The following GPC6 variants were observed in gnomAD, a reference collection of about 807,000 sequenced individuals.
GPC6 encodes the protein glypican 6.
A neutral mutation model predicts 55.2 loss-of-function variants in GPC6; 14 were observed. The observed-to-expected ratio is 0.25, with a 90% confidence interval of 0.17 to 0.40. The LOEUF (loss-of-function observed/expected upper bound fraction) is 0.40. Ranked by LOEUF, GPC6 falls within the 10% of genes least tolerant of loss-of-function variation. The pLI is 1.00. For missense variants in GPC6, 641 were observed against 708.5 expected, an observed-to-expected ratio of 0.90 and a Z score of 1.08; for synonymous variants, 278 against 259.6, an observed-to-expected ratio of 1.07 and a Z score of -0.68.
chr13:93,518,873 A>T (rs1881305619), intron 1 of GPC6, among the ~76,000 whole-genome samples: 1 of 151,988 alleles, frequency 6.6e-6, no homozygotes, highest in Non-Finnish European at 1.5e-5. Flanking sequence ...AAAGAACAGG[A>T]TTTCTAGGCT....
intron 1 of GPC6, among the ~76,000 whole-genome samples, chr13:93,305,918 A>G (rs1566290066): frequency 1.3e-5 from 2 of 152,228 alleles, no homozygotes; most frequent in African/African-American, 4.8e-5. Context: ...GAACTATATT[A>G]GAAAATAAAA....
chr13:93,611,939 A>G (rs571519645), intron 2 of GPC6, among the ~76,000 whole-genome samples: 2 of 152,278 alleles, frequency 1.3e-5, no homozygotes, highest in Non-Finnish European at 1.5e-5. Context: ...AGCTAATAAA[A>G]TTAAACTCAC....
chr13:93,428,004 G>A (rs1877213403), intron 1 of GPC6, among the ~76,000 whole-genome samples: 1 of 152,084 alleles, frequency 6.6e-6, no homozygotes, highest in Admixed American at 6.6e-5. Flanking sequence ...GATAACTTCA[G>A]TACTAGTATT....
intron 2 of GPC6, among the ~76,000 whole-genome samples, chr13:93,676,128 T>A (rs10220093): frequency 0.072 from 464 of 6,408 alleles, 8 homozygotes; most frequent in Admixed American, 0.16. Flanking sequence ...AAAAAAAAAA[T>A]ATATATATAT....
intron 2 of GPC6, among the ~76,000 whole-genome samples, chr13:93,764,861 G>A (rs1008379100): frequency 1.9e-4 from 29 of 152,142 alleles, no homozygotes; most frequent in Admixed American, 4.6e-4. Flanking sequence ...GTGTAGTGGC[G>A]TGATCTCAGC....
chr13:94,340,764 C>CTG (rs10636408), intron 6 of GPC6, among the ~76,000 whole-genome samples: 12,969 of 152,202 alleles, frequency 0.085, 612 homozygotes, highest in African/African-American at 0.11. Context: ...AAAGAACACT[C>CTG]GTTTCTTTTC....
intron 1 of GPC6, among the ~76,000 whole-genome samples, chr13:93,523,791 A>G (rs2139403630): frequency 6.6e-6 from 1 of 152,056 alleles, no homozygotes; most frequent in Non-Finnish European, 1.5e-5. Flanking sequence ...TAACTTCCGA[A>G]AGCTTTCTGC....
rs9561437 is a variant in GPC6 at position 93,751,614 on chromosome 13, T to C, written c.320-78540T>C. Among the ~76,000 whole-genome samples the C allele has an allele frequency of 0.011, 1,698 of 152,170 alleles. 150 individuals carry two copies. In the East Asian group the frequency reaches 0.24, roughly 21 times the overall value. ...ACAGCCCACTGCAGCCTCAAACTCC[T>C]GGGTTCAAGGGATCGTCCCTCCTCT... On this transcript the variant is annotated intron_variant, in intron 2 of 8. Transcript: ENST00000377047.
Position 93,724,056 on chromosome 13 carries a change from T to G in GPC6, c.320-106098T>G, listed in dbSNP as rs529069692. Among the ~76,000 whole-genome samples the G allele has an allele frequency of 1.4e-4, 22 of 152,144 alleles. No individual in the cohort carries two copies. The South Asian group carries it at 4.6e-3, about 32-fold the overall frequency. Reference sequence around the variant, plus strand: ...AAAAAAATTAAAAGAGGATTTTTAATGGTGAATGGAGATGCTAAGCTTGTT... The same window carrying G: ...AAAAAAATTAAAAGAGGATTTTTAAGGGTGAATGGAGATGCTAAGCTTGTT... On this transcript the variant is annotated intron_variant, in intron 2 of 8. Transcript: ENST00000377047.
intron 1 of GPC6, among the ~76,000 whole-genome samples, chr13:93,308,319 TGCCTGAGG>T (rs1878948084): frequency 2.0e-5 from 3 of 152,222 alleles, no homozygotes; most frequent in Admixed American, 2.0e-4. Flanking sequence ...GACAAAAAGC[TGCCTGAGG>T]GCATAACTTA....
chr13:93,463,342 C>T (rs776515640), intron 1 of GPC6, among the ~76,000 whole-genome samples: 4 of 152,122 alleles, frequency 2.6e-5, no homozygotes, highest in Non-Finnish European at 5.9e-5. Context: ...CGAAAATGGC[C>T]GTCACAACTC....
chr13:93,407,039 G>T lies in GPC6; in HGVS notation c.161-138224G>T, dbSNP rs528001178. On this transcript the variant is annotated intron_variant, in intron 1 of 8. Coordinates refer to ENST00000377047, the MANE Select transcript of GPC6 (RefSeq NM_005708.5). ...TACGTTAGATTGTATCAATGTTAAG[G>T]TTGCATCAATGTTAAGTTGTATATT... Among the ~76,000 whole-genome samples, 350 of 152,178 alleles carry T rather than the reference G, an allele frequency of 2.3e-3. 1 individual carries two copies. Among genetic ancestry groups the T allele is most frequent in the Non-Finnish European group, 4.1e-3 (280 of 68,002 alleles).
At chr13:93,984,144 A>T (rs896851601) in intron 3 of GPC6, among the ~76,000 whole-genome samples, 3 of 152,108 alleles carry the variant, frequency 2.0e-5, no homozygotes, top group African/African-American at 7.2e-5. Context: ...TCTGGCTCCC[A>T]GGATTCTGCT....
At chr13:94,149,573 C>A (rs1280320623) in intron 4 of GPC6, among the ~76,000 whole-genome samples, 1 of 152,058 alleles carries the variant, frequency 6.6e-6, no homozygotes, top group African/African-American at 2.4e-5. Context: ...ACAGAGCCCA[C>A]AATGAGGGTC....
chr13:94,060,288 C>A (rs1471999383), intron 4 of GPC6, among the ~76,000 whole-genome samples: 2 of 152,080 alleles, frequency 1.3e-5, no homozygotes, highest in African/African-American at 4.8e-5. Flanking sequence ...TTTACTTATT[C>A]TTTCTTTTGA....
intron 6 of GPC6, among the ~76,000 whole-genome samples, chr13:94,316,885 T>A (rs1046337372): frequency 6.6e-6 from 1 of 152,204 alleles, no homozygotes; most frequent in East Asian, 1.9e-4. Context: ...ATTTTTCTGC[T>A]TTTCTTTCTG....
At chr13:93,938,783 T>G (rs1594603801) in intron 3 of GPC6, among the ~76,000 whole-genome samples, 1 of 152,154 alleles carries the variant, frequency 6.6e-6, no homozygotes, top group East Asian at 1.9e-4. Context: ...ATCTTGCTGT[T>G]GAGTCCTAAC....
intron 1 of GPC6, among the ~76,000 whole-genome samples, chr13:93,389,421 G>C (rs555593768): frequency 6.6e-6 from 1 of 151,204 alleles, no homozygotes; most frequent in Non-Finnish European, 1.5e-5. Context: ...GGAGAATGGC[G>C]TGAACCCAAG....
chr13:93,886,492 GAA>G (rs962080985), intron 3 of GPC6, among the ~76,000 whole-genome samples: 3 of 148,652 alleles, frequency 2.0e-5, no homozygotes, highest in African/African-American at 7.4e-5. Context: ...GGTAAAAAAC[GAA>G]AAAAAAAATT....
Sources: allele counts gnomAD v4.1 joint callset (sites outside exome capture counted in the v4.1 genomes callset), GRCh38; gene constraint gnomAD v4.1.1; transcripts MANE v1.5; gene names NCBI Gene and HGNC (gene_info 2026-07-23, HGNC 2026-07-21).